The following INPP5B variants were observed in gnomAD, a reference collection of about 807,000 sequenced individuals.
INPP5B encodes the protein type II inositol 1,4,5-trisphosphate 5-phosphatase.
A neutral mutation model predicts 118.5 loss-of-function variants in INPP5B; 90 were observed. The observed-to-expected ratio is 0.76, with a 90% confidence interval of 0.64 to 0.90. INPP5B has a LOEUF of 0.90. Ranked by LOEUF, INPP5B falls within the 40% of genes least tolerant of loss-of-function variation. The pLI is 0.00. For synonymous variants in INPP5B, 385 were observed against 418.9 expected, an observed-to-expected ratio of 0.92 and a Z score of 0.99; for missense variants, 984 against 1,125.6, an observed-to-expected ratio of 0.87 and a Z score of 1.80.
chr1:37,871,470 A>G (rs1642433337), intron 19 of INPP5B, among the ~76,000 whole-genome samples: 1 of 151,556 alleles, frequency 6.6e-6, no homozygotes, highest in African/African-American at 2.4e-5. Context: ...AAAAGAAAAC[A>G]AAACAAAACA....
At chr1:37,862,583 C>T (rs921364215) in intron 23 of INPP5B, among the ~76,000 whole-genome samples, 153 bp from the exon 24 acceptor site, 3 of 152,178 alleles carry the variant, frequency 2.0e-5, no homozygotes, top group Non-Finnish European at 4.4e-5. Flanking sequence ...CTTTCACAAA[C>T]CTGTACTTAC....
chr1:37,891,190 G>A (rs916957191), intron 8 of INPP5B, among the ~76,000 whole-genome samples, 168 bp downstream of exon 8: 1 of 146,524 alleles, frequency 6.8e-6, no homozygotes, highest in Non-Finnish European at 1.5e-5. Flanking sequence ...TCATGCCACT[G>A]AACTCCAGCC....
chr1:37,921,366 A>G lies in INPP5B; in HGVS notation c.532+10547T>C, dbSNP rs1008324858. On this transcript the variant is annotated intron_variant, in intron 7 of 23. Transcript: ENST00000373024. ...AACTCTTGAGTGACATTCATAACAC[A>G]GGGCACCTGGCATTGAAAAGAATGG... is the stretch of plus-strand genomic sequence containing the variant. Among the ~76,000 whole-genome samples, 5 of 152,356 alleles carry G rather than the reference A, an allele frequency of 3.3e-5. No homozygotes were observed. The East Asian group carries it at 9.6e-4, about 29-fold the overall frequency.
chr1:37,878,445 T>C, intron 15 of INPP5B, 122 bp from the exon 16 acceptor site: 2 of 1,482,730 alleles, frequency 1.3e-6, no homozygotes, highest in Non-Finnish European at 1.8e-6. Context: ...GGCTAAGTCA[T>C]CTGAGGCAGC....
intron 7 of INPP5B, among the ~76,000 whole-genome samples, chr1:37,903,484 T>A (rs925961770): frequency 6.6e-6 from 1 of 152,170 alleles, no homozygotes; most frequent in African/African-American, 2.4e-5. Context: ...CCCAGCACTT[T>A]GAGAGGCCGA....
At position 37,867,018 on chromosome 1, in the gene INPP5B, G is replaced by A. The variant is rs1192733547; in HGVS notation, c.2302-475C>T. ...GGAGGCAGAGGCGGGTGGATCACGA[G>A]GTCAGGAGATTGAGACCATCCTGGC... On this transcript the variant is annotated intron_variant, in intron 20 of 23. Transcript: ENST00000373024. Among the ~76,000 whole-genome samples, 10 of 152,218 alleles carry A rather than the reference G, an allele frequency of 6.6e-5. No individual in the cohort carries two copies. The South Asian group carries it at 1.2e-3, about 19-fold the overall frequency.
intron 6 of INPP5B, among the ~76,000 whole-genome samples, chr1:37,933,729 A>G (rs1256688618): frequency 8.2e-6 from 1 of 122,446 alleles, no homozygotes; most frequent in East Asian, 2.0e-4. Context: ...CAATAAATAA[A>G]TAAATAAATA....
chr1:37,945,657 TC>T, intron 3 of INPP5B, 98 bp downstream of exon 3: 4 of 790,162 alleles, frequency 5.1e-6, no homozygotes, highest in Non-Finnish European at 8.5e-6. Flanking sequence ...TCTAGGAGAC[TC>T]AGACCCTGCC....
chr1:37,941,723 G>GGTC (rs1404302528), intron 5 of INPP5B, among the ~76,000 whole-genome samples: 1 of 148,720 alleles, frequency 6.7e-6, no homozygotes, highest in East Asian at 2.0e-4. Flanking sequence ...CGGATCACGA[G>GGTC]GTCAGGAGAT....
chr1:37,891,279 C>T, intron 8 of INPP5B, 79 bp downstream of exon 8: 1 of 957,276 alleles, frequency 1.0e-6, no homozygotes, highest in East Asian at 2.6e-5. Context: ...GGACAACTTA[C>T]ATTATACCCA....
chr1:37,922,004 C>T (rs1214105404), intron 7 of INPP5B, among the ~76,000 whole-genome samples: 1 of 152,076 alleles, frequency 6.6e-6, no homozygotes, highest in African/African-American at 2.4e-5. Context: ...TGCACTCCAG[C>T]CTGGGCAACA....
At position 37,889,687 on chromosome 1, in the gene INPP5B, G is replaced by A. The variant is rs752264648; in HGVS notation, c.667C>T (p.Arg223Cys). Residue 223 changes from arginine (R) to cysteine (C), a missense_variant, in exon 9 of 24, where the codon CGC (arginine) becomes TGC (cysteine). By Grantham distance (180) the Arg-to-Cys change is radical. Transcript: ENST00000373024. ...KSKSEITDMV[R>C]SSTITVSDKA... ...TCCGACACTGTGATAGTGGAGGAGC[G>A]AACCATGTCAGTAATTTCGGACTTG... is the stretch of plus-strand genomic sequence containing the variant. The A allele has an allele frequency of 1.6e-5, 26 of 1,612,604 alleles. No individual in the cohort carries two copies. The highest frequency in any genetic ancestry group is 3.4e-5 in the Admixed American group (2 of 59,678).
intron 6 of INPP5B, among the ~76,000 whole-genome samples, chr1:37,934,696 CAG>C (rs1156591580): frequency 2.6e-5 from 4 of 152,134 alleles, no homozygotes; most frequent in African/African-American, 4.8e-5. Context: ...TTGGTTGGTA[CAG>C]AGTTTCTCTG....
chr1:37,862,397 G>A lies in INPP5B; in HGVS notation c.2660C>T (p.Pro887Leu). ...SIFGSLLLRNPAGHQKLDMTE... is the reference protein window; with the variant it reads ...SIFGSLLLRNLAGHQKLDMTE... ...CATATCAAGCTTTTGGTGACCAGCT[G>A]GGTTTCGAAGCAATAAGCTGCCAAA... is the stretch of plus-strand genomic sequence containing the variant. Residue 887 changes from proline to leucine, a missense_variant, in exon 24 of 24, where the codon CCA (proline) becomes CTA (leucine). By Grantham distance (98) the Pro-to-Leu change is moderately conservative. Coordinates refer to ENST00000373024, the MANE Select transcript of INPP5B (RefSeq NM_005540.3). 1 of 1,613,796 alleles carries A rather than the reference G, an allele frequency of 6.2e-7. No individual in the cohort carries two copies. The highest frequency in any genetic ancestry group is 8.5e-7 in the Non-Finnish European group (1 of 1,179,738).
At chr1:37,945,636 G>C in intron 3 of INPP5B, 120 bp downstream of exon 3, 1 of 676,724 alleles carries the variant, frequency 1.5e-6, no homozygotes, top group Non-Finnish European at 2.6e-6. Context: ...AACTATCATT[G>C]TGATAATTAT....
At chr1:37,915,388 A>G (rs1570278352) in intron 7 of INPP5B, among the ~76,000 whole-genome samples, 1 of 152,252 alleles carries the variant, frequency 6.6e-6, no homozygotes. Flanking sequence ...ACGAAGAGTA[A>G]TACTTAGTGA....
chr1:37,945,547 A>G (rs1214771503), intron 3 of INPP5B, among the ~76,000 whole-genome samples: 1 of 152,242 alleles, frequency 6.6e-6, no homozygotes, highest in Non-Finnish European at 1.5e-5. Flanking sequence ...GTCTCTTCTC[A>G]AGAAACTTCC....
At chr1:37,938,547 A>G (rs748078647) in intron 6 of INPP5B, among the ~76,000 whole-genome samples, 18 of 152,128 alleles carry the variant, frequency 1.2e-4, no homozygotes, top group Non-Finnish European at 1.9e-4. Flanking sequence ...GCCTACAAAA[A>G]CTAAAGTTCA....
At chr1:37,941,974 T>TATATATATATATATATAA (rs1390505203) in intron 5 of INPP5B, 21 of 80,846 alleles carry the variant, frequency 2.6e-4, no homozygotes, top group Non-Finnish European at 4.1e-4. Context: ...TATATATATA[T>TATATATATATATATATAA]AAAATAAAAT....
Sources: gnomAD v4.1 joint callset for allele counts (sites outside exome capture counted in the v4.1 genomes callset) on GRCh38, gnomAD v4.1.1 for gene constraint, MANE v1.5 for transcripts, NCBI Gene and HGNC (gene_info 2026-07-23, HGNC 2026-07-21) for gene names.